The following CFAP36 variants were observed in gnomAD, a reference collection of about 807,000 sequenced individuals.
The protein encoded by CFAP36 is cilia- and flagella-associated protein 36.
In CFAP36, 37 loss-of-function variants were observed where a neutral mutation model predicts 50.5. The observed-to-expected ratio is 0.73, with a 90% CI of 0.56 to 0.96. The LOEUF (loss-of-function observed/expected upper bound fraction) is 0.96. Among genes scored for constraint, CFAP36 ranks in the 50% least tolerant of loss-of-function variants. The pLI is 0.00. For missense variants in CFAP36, 407 were observed against 396.2 expected (o/e 1.03, Z -0.23); for synonymous variants, 138 against 128.2 (o/e 1.08, Z -0.52).
intron 3 of CFAP36, among the ~76,000 whole-genome samples, chr2:55,524,840 G>A (rs1684162630): frequency 6.6e-6 from 1 of 151,994 alleles, no homozygotes; most frequent in Non-Finnish European, 1.5e-5. Flanking sequence ...AATTAGCTGG[G>A]CATGGTGGCA....
intron 7 of CFAP36, among the ~76,000 whole-genome samples, chr2:55,538,114 A>G (rs189612935): frequency 6.6e-6 from 1 of 152,274 alleles, no homozygotes; most frequent in Admixed American, 6.5e-5. Flanking sequence ...CATGTGGCAA[A>G]TCTATTCTCA....
chr2:55,526,717 A>C (rs1684217279), intron 3 of CFAP36, among the ~76,000 whole-genome samples: 1 of 152,134 alleles, frequency 6.6e-6, no homozygotes, highest in South Asian at 2.1e-4. Flanking sequence ...CTCTGGGGTT[A>C]CAGGTGTGAG....
chr2:55,533,819 T>C, intron 4 of CFAP36, 54 bp from the exon 5 acceptor site: 1 of 1,058,114 alleles, frequency 9.5e-7, no homozygotes, highest in Non-Finnish European at 1.4e-6. Context: ...CAGTGAGAAA[T>C]ATATGTTTTT....
chr2:55,536,384 G>A (rs1275014141), intron 6 of CFAP36, among the ~76,000 whole-genome samples: 2 of 152,032 alleles, frequency 1.3e-5, no homozygotes, highest in African/African-American at 4.8e-5. Context: ...GCCCGCCTCG[G>A]CCTCCCAAAG....
At chr2:55,528,795 G>C in intron 3 of CFAP36, 83 bp from the exon 4 acceptor site, 1 of 742,092 alleles carries the variant, frequency 1.3e-6, no homozygotes, top group South Asian at 1.9e-5. Flanking sequence ...TTAATCTACT[G>C]TTTTGCAGTA....
chr2:55,541,188 G>A (rs1464681105), intron 7 of CFAP36, among the ~76,000 whole-genome samples: 2 of 152,054 alleles, frequency 1.3e-5, no homozygotes, highest in East Asian at 3.9e-4. Context: ...GCTGGGCATC[G>A]TGGCAAGTTC....
rs1684282476 is a variant in CFAP36, at chr2:55,528,980, C to G, written c.385C>G (p.Gln129Glu). Residue 129 changes from glutamine (Q) to glutamate (E), a missense_variant, in exon 4 of 10, where the codon CAA (glutamine) becomes GAA (glutamate). Coordinates refer to ENST00000349456, the MANE Select transcript of CFAP36 (RefSeq NM_080667.7). ...EMQLQAIRIIQERNGVLPDCL... is the reference protein window; with the variant it reads ...EMQLQAIRIIEERNGVLPDCL... ...GCAGCTGCAAGCCATTCGAATAATTCAAGAGAGAAATGGTAAAATGTTGAA... is the reference window on the plus strand; with the variant it reads ...GCAGCTGCAAGCCATTCGAATAATTGAAGAGAGAAATGGTAAAATGTTGAA... The G allele has an allele frequency of 6.2e-7, 1 of 1,603,006 alleles. No homozygotes were observed. Among genetic ancestry groups the G allele is most frequent in the Non-Finnish European group, 8.5e-7 (1 of 1,174,532 alleles).
rs1234513193 is a variant in CFAP36 at position 55,524,011 on chromosome 2, T to G, written c.282+189T>G. On this transcript the variant is annotated intron_variant, in intron 3 of 9. Coordinates refer to ENST00000349456, the MANE Select transcript of CFAP36 (RefSeq NM_080667.7). Reference sequence around the variant, plus strand: ...GAAAAATGATAATTTGAGGCATTAATGAACTGATGCAACTCAAAGTGACCT... The same window carrying G: ...GAAAAATGATAATTTGAGGCATTAAGGAACTGATGCAACTCAAAGTGACCT... Among the ~76,000 whole-genome samples the G allele has an allele frequency of 3.9e-5, 6 of 152,238 alleles. No individual in the cohort carries two copies. In the East Asian group the frequency reaches 1.2e-3, roughly 29 times the overall value.
intron 7 of CFAP36, among the ~76,000 whole-genome samples, chr2:55,543,619 CTTATA>C (rs765404642): frequency 1.8e-4 from 27 of 152,232 alleles, no homozygotes; most frequent in East Asian, 7.7e-4. Flanking sequence ...ATGTGGCAAT[CTTATA>C]TTATAGTGTA....
chr2:55,524,085 G>A (rs1302735569), intron 3 of CFAP36, among the ~76,000 whole-genome samples: 1 of 152,162 alleles, frequency 6.6e-6, no homozygotes, highest in African/African-American at 2.4e-5. Flanking sequence ...ACAAACTACT[G>A]TTTTATTTAC....
Position 55,538,725 on chromosome 2 carries a change from G to C in CFAP36, c.640+1140G>C, listed in dbSNP as rs558739196. ...CCCAAAGCACTAGGATTATAGGCATGAGCCACTGTACCCATCCCTTCTTTT... is the reference window on the plus strand; with the variant it reads ...CCCAAAGCACTAGGATTATAGGCATCAGCCACTGTACCCATCCCTTCTTTT... On this transcript the variant is annotated intron_variant, in intron 7 of 9. Coordinates refer to ENST00000349456, the MANE Select transcript of CFAP36 (RefSeq NM_080667.7). 41 of 1,496,144 alleles carry C rather than the reference G, an allele frequency of 2.7e-5. No individual in the cohort carries two copies. The South Asian group carries it at 3.3e-4, about 12-fold the overall frequency. The allele number at this position is 1,496,144 out of a possible 1,614,324, so 92.7% of individuals were successfully genotyped here. A position where few individuals can be genotyped will look rare whatever the true frequency, so the allele number is the denominator to read the frequency against.
Position 55,537,484 on chromosome 2 carries a change from T to C in CFAP36, c.539T>C (p.Leu180Ser). 1 of 1,600,376 alleles carries C rather than the reference T, an allele frequency of 6.2e-7. No homozygotes were observed. Among genetic ancestry groups the C allele is most frequent in the Non-Finnish European group, 8.5e-7 (1 of 1,174,138 alleles). The change falls in exon 7 of 10, where the codon TTA becomes TCA. Residue 180 changes from leucine to serine, a missense_variant and splice_region_variant. Leu to Ser is a moderately radical substitution (Grantham distance 145, BLOSUM62 -2). Coordinates refer to ENST00000349456, the MANE Select transcript of CFAP36 (RefSeq NM_080667.7). ...QEEERKRKKQ[L>S]SEAKTEEPTV... is the part of the protein sequence containing the mutation. ...AAATTGTATTATGGAATCCTGAAGT[T>C]ATCAGAGGCTAAAACAGAAGAGCCC...
intron 7 of CFAP36, among the ~76,000 whole-genome samples, chr2:55,538,295 C>CTTTTT (rs35529401): frequency 7.5e-6 from 1 of 132,890 alleles, no homozygotes; most frequent in Non-Finnish European, 1.6e-5. Flanking sequence ...TTTCTTTTAT[C>CTTTTT]TTTTTTTTTT....
In CFAP36 at chr2:55,535,756, A is replaced by T; in HGVS notation, c.530A>T (p.Lys177Ile). Residue 177 changes from lysine to isoleucine, a missense_variant, in exon 6 of 10, where the codon AAA (lysine) becomes ATA (isoleucine). Physicochemically the swap from Lys to Ile is moderately radical, Grantham distance 102. Transcript: ENST00000349456. Reference sequence around the variant, plus strand: ...GACCAGGAAGAAGAAAGGAAGAGGAAAAAACAGGTGCCTACAGAACATATA... The same window carrying T: ...GACCAGGAAGAAGAAAGGAAGAGGATAAAACAGGTGCCTACAGAACATATA... ...EYDQEEERKR[K>I]KQLSEAKTEE... The T allele has an allele frequency of 6.4e-7, 1 of 1,556,176 alleles. No individual in the cohort carries two copies. The highest frequency in any genetic ancestry group is 8.6e-7 in the Non-Finnish European group (1 of 1,160,348).
chr2:55,531,141 C>T (rs1175448642), intron 4 of CFAP36: 1 of 152,194 alleles, frequency 6.6e-6, no homozygotes, highest in African/African-American at 2.4e-5. Context: ...TGACATAGTG[C>T]TATTACTTTG....
chr2:55,543,878 C>T (rs1684703490), intron 7 of CFAP36, 60 bp from the exon 8 acceptor site: 1 of 1,494,400 alleles, frequency 6.7e-7, no homozygotes, highest in Admixed American at 1.9e-5. Flanking sequence ...TAAACCTAGC[C>T]TAACACTTAA....
Position 55,537,464 on chromosome 2 carries a change from G to C in CFAP36, c.538-19G>C, listed in dbSNP as rs1684518231. 5 of 1,537,852 alleles carry C rather than the reference G, an allele frequency of 3.3e-6. No homozygotes were observed. Among genetic ancestry groups the C allele is most frequent in the African/African-American group, 1.4e-5 (1 of 72,436 alleles). ...TAAATTGTGTGTTTTTTAAAAAATT[G>C]TATTATGGAATCCTGAAGTTATCAG... On this transcript the variant is annotated intron_variant, in intron 6 of 9. Coordinates refer to ENST00000349456, the MANE Select transcript of CFAP36 (RefSeq NM_080667.7).
chr2:55,533,203 C>A (rs1035725074), intron 4 of CFAP36, among the ~76,000 whole-genome samples: 1 of 152,160 alleles, frequency 6.6e-6, no homozygotes, highest in African/African-American at 2.4e-5. Context: ...AGAGCAGTTT[C>A]ATTATTAAGC....
At chr2:55,535,666 C>T in intron 5 of CFAP36, 46 bp from the exon 6 acceptor site, 2 of 1,404,944 alleles carry the variant, frequency 1.4e-6, no homozygotes, top group Non-Finnish European at 1.9e-6. Flanking sequence ...TGTTCTTTGA[C>T]CAAAAAAGGA....
Sources: allele counts gnomAD v4.1 joint callset (sites outside exome capture counted in the v4.1 genomes callset), GRCh38; gene constraint gnomAD v4.1.1; transcripts MANE v1.5; gene names NCBI Gene and HGNC (gene_info 2026-07-23, HGNC 2026-07-21).